The following ACTR3B variants were observed in gnomAD, a reference collection of about 807,000 sequenced individuals.
The protein encoded by ACTR3B is actin related protein 3B, also known as actin-related protein 3B.
In ACTR3B, 8 loss-of-function variants were observed where a neutral mutation model predicts 59.0. The ratio of observed to expected loss-of-function variants is 0.14; its 90% CI spans 0.08 to 0.24. ACTR3B has a LOEUF of 0.24. ACTR3B is among the 10% of genes least tolerant of loss of function. ACTR3B has a pLI of 1.00. For synonymous variants in ACTR3B, 148 were observed against 197.9 expected (o/e 0.75, Z 2.12); for missense variants, 245 against 552.3 (o/e 0.44, Z 5.58).
intron 9 of ACTR3B, among the ~76,000 whole-genome samples, chr7:152,850,792 C>T (rs190165493): frequency 2.0e-4 from 30 of 152,302 alleles, no homozygotes; most frequent in Admixed American, 2.0e-3. Context: ...TTCCCTGTGA[C>T]TTCTGCTTAC....
At chr7:152,795,705 G>T (rs973029727) in intron 2 of ACTR3B, among the ~76,000 whole-genome samples, 1 of 152,150 alleles carries the variant, frequency 6.6e-6, no homozygotes, top group South Asian at 2.1e-4. Flanking sequence ...GTCACCAGTA[G>T]CTCTACCATC....
At chr7:152,793,560 T>G (rs2098205114) in intron 2 of ACTR3B, among the ~76,000 whole-genome samples, 3 of 140,436 alleles carry the variant, frequency 2.1e-5, no homozygotes, top group South Asian at 2.4e-4. Flanking sequence ...TTGCTGAGAC[T>G]TCCTTTTATT....
chr7:152,768,429 G>GTTTA (rs1180245894), intron 1 of ACTR3B, among the ~76,000 whole-genome samples: 1 of 152,136 alleles, frequency 6.6e-6, no homozygotes, highest in Non-Finnish European at 1.5e-5. Context: ...TTGTTTGTTT[G>GTTTA]TTTGTTTGTT....
intron 9 of ACTR3B, among the ~76,000 whole-genome samples, chr7:152,838,465 C>T (rs1203792434): frequency 2.0e-5 from 3 of 152,158 alleles, no homozygotes; most frequent in Non-Finnish European, 4.4e-5. Flanking sequence ...TGTTCTCACT[C>T]GTAAGTGGGA....
At chr7:152,794,483 T>C (rs1460504793) in intron 2 of ACTR3B, among the ~76,000 whole-genome samples, 1 of 152,226 alleles carries the variant, frequency 6.6e-6, no homozygotes. Flanking sequence ...CCCACAGTGT[T>C]GGGATTACAG....
chr7:152,837,531 G>C (rs1797562155), intron 9 of ACTR3B, among the ~76,000 whole-genome samples: 3 of 152,270 alleles, frequency 2.0e-5, no homozygotes, highest in Admixed American at 2.0e-4. Flanking sequence ...ATGCAAGCAA[G>C]CTAGCTAAAG....
rs1442778001 is a variant in ACTR3B at position 152,825,108 on chromosome 7, C to T, written c.937C>T (p.Arg313Cys). The T allele has an allele frequency of 1.2e-6, 2 of 1,613,672 alleles. No homozygotes were observed. The highest frequency in any genetic ancestry group is 1.7e-6 in the Non-Finnish European group (2 of 1,179,760). The change falls in exon 9 of 12, where the codon CGC (arginine) becomes TGC (cysteine). Residue 313 changes from arginine (R) to cysteine (C), a missense_variant. This residue lies in a region of ACTR3B where 153 missense variants were observed against 266.2 expected (regional missense o/e 0.57). Transcript: ENST00000256001. ...VIQNCPIDVR[R>C]PLYKNVVLSG... ...ACAGAACTGCCCCATCGATGTGCGG[C>T]GCCCGCTGTATAAGGTATGAGCTGC...
chr7:152,785,505 G>C (rs968760146), intron 2 of ACTR3B, among the ~76,000 whole-genome samples: 1 of 104,338 alleles, frequency 9.6e-6, no homozygotes, highest in Non-Finnish European at 1.9e-5. Flanking sequence ...GAGAGAGAGA[G>C]AGAGAGGAGA....
At position 152,825,742 on chromosome 7, in the gene ACTR3B, G is replaced by T. The variant is rs545460171; in HGVS notation, c.951+620G>T. On this transcript the variant is annotated intron_variant, in intron 9 of 11. Coordinates refer to ENST00000256001, the MANE Select transcript of ACTR3B (RefSeq NM_020445.6). ...AGCGGTGCCCTCCCCCATGCTTTCC[G>T]TGAATTCCATTGGTTTCGTTTCATG... is the stretch of plus-strand genomic sequence containing the variant. Among the ~76,000 whole-genome samples, 12 of 152,284 alleles carry T rather than the reference G, an allele frequency of 7.9e-5. No homozygotes were observed. In the South Asian group the frequency reaches 2.5e-3, roughly 32 times the overall value.
chr7:152,809,555 T>G (rs1334801599), intron 4 of ACTR3B, among the ~76,000 whole-genome samples: 8 of 152,096 alleles, frequency 5.3e-5, no homozygotes, highest in Non-Finnish European at 1.0e-4. Context: ...TTTTTGTTTT[T>G]TTTTGAGACG....
At chr7:152,786,835 C>T (rs1250857021) in intron 2 of ACTR3B, among the ~76,000 whole-genome samples, 1 of 152,160 alleles carries the variant, frequency 6.6e-6, no homozygotes, top group Non-Finnish European at 1.5e-5. Context: ...TGGTATCACA[C>T]TGTAAATAAC....
chr7:152,769,912 T>A (rs1258759514), intron 1 of ACTR3B, among the ~76,000 whole-genome samples: 1 of 151,960 alleles, frequency 6.6e-6, no homozygotes, highest in Non-Finnish European at 1.5e-5. Flanking sequence ...AAAAAAATTA[T>A]TAGTAGTCAA....
At chr7:152,841,519 A>G (rs1464306090) in intron 9 of ACTR3B, among the ~76,000 whole-genome samples, 1 of 152,104 alleles carries the variant, frequency 6.6e-6, no homozygotes, top group African/African-American at 2.4e-5. Context: ...GGTTCACATG[A>G]GAATTTCTGA....
chr7:152,852,438 G>A (rs2117024893), intron 10 of ACTR3B, among the ~76,000 whole-genome samples, 187 bp downstream of exon 10: 2 of 152,278 alleles, frequency 1.3e-5, no homozygotes, highest in South Asian at 4.1e-4. Context: ...CAGGCTGGTA[G>A]TTCAGACTGA....
At chr7:152,771,858 C>G (rs1177899124) in intron 1 of ACTR3B, among the ~76,000 whole-genome samples, 1 of 151,902 alleles carries the variant, frequency 6.6e-6, no homozygotes, top group East Asian at 1.9e-4. Flanking sequence ...GGCAGATCAC[C>G]TGGGGTCAGA....
intron 9 of ACTR3B, among the ~76,000 whole-genome samples, chr7:152,839,348 C>T (rs1272911484): frequency 1.4e-5 from 2 of 138,662 alleles, no homozygotes; most frequent in Non-Finnish European, 3.1e-5. Context: ...GCCACGTGAC[C>T]GAGAGCTTCT....
At chr7:152,832,952 G>A in intron 9 of ACTR3B, among the ~76,000 whole-genome samples, 1 of 152,198 alleles carries the variant, frequency 6.6e-6, no homozygotes, top group Non-Finnish European at 1.5e-5. Flanking sequence ...ACTGGGTGCT[G>A]TGCCCTGGCC....
chr7:152,787,555 T>G (rs1208972383), intron 2 of ACTR3B, among the ~76,000 whole-genome samples: 1 of 151,964 alleles, frequency 6.6e-6, no homozygotes, highest in Non-Finnish European at 1.5e-5. Flanking sequence ...CTAAGAAAAT[T>G]TTAAGTTAAT....
chr7:152,807,543 TG>T (rs1159596143), intron 4 of ACTR3B, among the ~76,000 whole-genome samples: 1 of 152,188 alleles, frequency 6.6e-6, no homozygotes, highest in Non-Finnish European at 1.5e-5. Flanking sequence ...TAGCAGTGTT[TG>T]ATTATGGAGT....
Sources: allele counts gnomAD v4.1 joint callset (sites outside exome capture counted in the v4.1 genomes callset), GRCh38; gene constraint gnomAD v4.1.1; regional missense constraint gnomAD v4.1.1; transcripts MANE v1.5; gene names NCBI Gene and HGNC (gene_info 2026-07-23, HGNC 2026-07-21).